The following CLASP2 variants were observed in gnomAD, a reference collection of about 807,000 sequenced individuals.
CLASP2 encodes the protein CLIP-associating protein 2.
A neutral mutation model predicts 194.4 loss-of-function variants in CLASP2; 47 were observed. That is an observed-to-expected ratio of 0.24 (90% CI 0.19 to 0.31). The LOEUF (loss-of-function observed/expected upper bound fraction) is 0.31. Among genes scored for constraint, CLASP2 ranks in the 10% least tolerant of loss-of-function variants. The pLI is 1.00. For synonymous variants in CLASP2, 619 were observed against 633.5 expected (o/e 0.98, Z 0.34); for missense variants, 1,445 against 1,823.6 (o/e 0.79, Z 3.78).
At chr3:33,639,015 G>GTACTA (rs2080768641) in intron 8 of CLASP2, among the ~76,000 whole-genome samples, 1 of 152,148 alleles carries the variant, frequency 6.6e-6, no homozygotes, top group Admixed American at 6.5e-5. Flanking sequence ...TAATGGGCAG[G>GTACTA]TACTATATCT....
intron 5 of CLASP2, among the ~76,000 whole-genome samples, chr3:33,685,303 T>C (rs906484519): frequency 2.3e-5 from 3 of 130,450 alleles, no homozygotes; most frequent in Non-Finnish European, 4.6e-5. Flanking sequence ...GATCACGCCA[T>C]TGCTCTCCAG....
intron 34 of CLASP2, among the ~76,000 whole-genome samples, chr3:33,530,670 G>T (rs1430692059): frequency 6.6e-6 from 1 of 152,128 alleles, no homozygotes; most frequent in East Asian, 1.9e-4. Flanking sequence ...TAGGTAATAG[G>T]AATTTTTTAG....
intron 1 of CLASP2, among the ~76,000 whole-genome samples, chr3:33,704,626 G>A (rs925409089): frequency 6.6e-6 from 1 of 152,008 alleles, no homozygotes; most frequent in Admixed American, 6.6e-5. Flanking sequence ...GGTGGCACGC[G>A]CCTGTAGTCC....
chr3:33,581,698 C>G (rs2066176352), intron 23 of CLASP2, 123 bp downstream of exon 23: 6 of 628,288 alleles, frequency 9.5e-6, no homozygotes, highest in Non-Finnish European at 1.7e-5. Context: ...CTCAAAATGA[C>G]AGAAAAGGGG....
Position 33,631,597 on chromosome 3 carries a change from T to G in CLASP2, c.942+695A>C, listed in dbSNP as rs2079094588. On this transcript the variant is annotated intron_variant, in intron 9 of 38. Transcript: ENST00000682230. The stretch of plus-strand genomic sequence containing the variant: ...CTGTAATCTCAGCTACTGAGGAGGC[T>G]GAGGCAGGAGAATCACTTTAACCCA... Among the ~76,000 whole-genome samples the G allele has an allele frequency of 4.0e-5, 6 of 151,254 alleles. No homozygotes were observed. In the South Asian group the frequency reaches 1.3e-3, roughly 32 times the overall value.
intron 4 of CLASP2, 55 bp downstream of exon 4, chr3:33,688,219 GGTT>G: frequency 7.5e-7 from 1 of 1,330,522 alleles, no homozygotes; most frequent in South Asian, 1.4e-5. Flanking sequence ...TGTGAACTGA[GGTT>G]TTTTTTAGAG....
At chr3:33,646,389 A>AT (rs1341699142) in intron 7 of CLASP2, among the ~76,000 whole-genome samples, 3 of 152,074 alleles carry the variant, frequency 2.0e-5, no homozygotes, top group Non-Finnish European at 4.4e-5. Flanking sequence ...TTAAAAAATT[A>AT]TTTTTTTAGC....
At chr3:33,499,869 C>T (rs1171891079) in intron 38 of CLASP2, among the ~76,000 whole-genome samples, 1 of 151,972 alleles carries the variant, frequency 6.6e-6, no homozygotes, top group Non-Finnish European at 1.5e-5. Flanking sequence ...AAGAAGTGGG[C>T]AAAAATAGGA....
intron 8 of CLASP2, among the ~76,000 whole-genome samples, chr3:33,644,175 A>T (rs555445535): frequency 6.6e-6 from 1 of 152,296 alleles, no homozygotes; most frequent in East Asian, 1.9e-4. Flanking sequence ...TAATATGATC[A>T]ATGAATATGC....
At chr3:33,500,081 G>A (rs1416139283) in intron 38 of CLASP2, among the ~76,000 whole-genome samples, 4 of 151,908 alleles carry the variant, frequency 2.6e-5, no homozygotes, top group Non-Finnish European at 5.9e-5. Context: ...TGCCTGGGCT[G>A]GAATGCAGTG....
At chr3:33,671,891 G>A (rs1308901081) in intron 6 of CLASP2, among the ~76,000 whole-genome samples, 1 of 152,180 alleles carries the variant, frequency 6.6e-6, no homozygotes, top group African/African-American at 2.4e-5. Flanking sequence ...GGCTGGGAGA[G>A]GGGTGCCCGC....
chr3:33,605,851 T>C (rs144082994), intron 16 of CLASP2, among the ~76,000 whole-genome samples: 3 of 152,238 alleles, frequency 2.0e-5, no homozygotes, highest in Non-Finnish European at 2.9e-5. Flanking sequence ...CCTCAGGTGA[T>C]CTGCTCGCCT....
At chr3:33,653,941 G>A (rs969257510) in intron 7 of CLASP2, among the ~76,000 whole-genome samples, 11 of 151,702 alleles carry the variant, frequency 7.3e-5, no homozygotes, top group African/African-American at 2.7e-4. Context: ...ATAAGACGAG[G>A]GTGGAATACG....
At position 33,581,853 on chromosome 3, in the gene CLASP2, T is replaced by C; in HGVS notation, c.2315A>G (p.Asp772Gly). 1 of 1,613,648 alleles carries C rather than the reference T, an allele frequency of 6.2e-7. No individual in the cohort carries two copies. Among genetic ancestry groups the C allele is most frequent in the Non-Finnish European group, 8.5e-7 (1 of 1,179,732 alleles). ...CTGAAAAGAGCGAACAGGACTTGTGTCTCTGCTGCTCTCCCGACTAGCTTC... is the reference window on the plus strand; with the variant it reads ...CTGAAAAGAGCGAACAGGACTTGTGCCTCTGCTGCTCTCCCGACTAGCTTC... ...SREASRESSRDTSPVRSFQPL... is the reference protein window; with the variant it reads ...SREASRESSRGTSPVRSFQPL... Residue 772 changes from aspartate to glycine, a missense_variant, in exon 23 of 39, where the codon GAC becomes GGC. Asp to Gly is a moderately conservative substitution (Grantham distance 94, BLOSUM62 -1). This residue lies in a region of CLASP2 where 732 missense variants were observed against 987.9 expected (regional missense o/e 0.74). Coordinates refer to ENST00000682230, the MANE Select transcript of CLASP2 (RefSeq NM_001365631.1).
intron 10 of CLASP2, among the ~76,000 whole-genome samples, chr3:33,623,737 G>C (rs2154282054): frequency 6.6e-6 from 1 of 152,266 alleles, no homozygotes; most frequent in Non-Finnish European, 1.5e-5. Context: ...CAATAAACAA[G>C]AAAGTGCAGA....
intron 32 of CLASP2, among the ~76,000 whole-genome samples, chr3:33,541,482 T>A (rs1473471371): frequency 6.6e-6 from 1 of 152,166 alleles, no homozygotes; most frequent in East Asian, 1.9e-4. Flanking sequence ...CTCTCCCTCC[T>A]CCTACCCTCT....
intron 1 of CLASP2, among the ~76,000 whole-genome samples, chr3:33,697,590 TA>T (rs1021786818): frequency 6.6e-6 from 1 of 152,230 alleles, no homozygotes; most frequent in African/African-American, 2.4e-5. Flanking sequence ...GTGGTATGCA[TA>T]ACTATATTTG....
rs114084341 is a variant in CLASP2, at chr3:33,510,775, T to C, written c.4111-11A>G. ...AGCAGATCTCACCACCTAAAAAAAATAGGAAATTAAGCCAGAAAGTAATTT... is the reference window on the plus strand; with the variant it reads ...AGCAGATCTCACCACCTAAAAAAAACAGGAAATTAAGCCAGAAAGTAATTT... On this transcript the variant is annotated splice_polypyrimidine_tract_variant and intron_variant, in intron 36 of 38. Transcript: ENST00000682230. 80 of 1,590,970 alleles carry C rather than the reference T, an allele frequency of 5.0e-5. No individual in the cohort carries two copies. In the African/African-American group the frequency reaches 9.4e-4, roughly 19 times the overall value.
intron 38 of CLASP2, among the ~76,000 whole-genome samples, chr3:33,499,960 CTG>C (rs1050971456): frequency 1.3e-5 from 2 of 152,088 alleles, no homozygotes; most frequent in Non-Finnish European, 2.9e-5. Context: ...TTAAATATCT[CTG>C]TGTCATTCTG....
Sources: allele counts gnomAD v4.1 joint callset (sites outside exome capture counted in the v4.1 genomes callset), GRCh38; gene constraint gnomAD v4.1.1; regional missense constraint gnomAD v4.1.1; transcripts MANE v1.5; gene names NCBI Gene and HGNC (gene_info 2026-07-23, HGNC 2026-07-21).